Variants in PTPRK observed in about 807,000 individuals in gnomAD.
PTPRK encodes the protein protein tyrosine phosphatase receptor type K.
Under a neutral mutation model 178.0 loss-of-function variants are expected in PTPRK, and 75 were observed. The ratio of observed to expected loss-of-function variants is 0.42; its 90% CI spans 0.35 to 0.51. The LOEUF (loss-of-function observed/expected upper bound fraction) is 0.51. Ranked by LOEUF, PTPRK falls within the 20% of genes least tolerant of loss-of-function variation. The probability of loss-of-function intolerance (pLI) is 0.02; values close to 1 mark genes in which losing one functional copy is unlikely to be tolerated. For missense variants in PTPRK, 1,441 were observed against 1,797.8 expected, an observed-to-expected ratio of 0.80 and a Z score of 3.59; for synonymous variants, 637 against 620.6, an observed-to-expected ratio of 1.03 and a Z score of -0.39.
At chr6:128,391,303 T>C (rs1413248519) in intron 2 of PTPRK, among the ~76,000 whole-genome samples, 3 of 152,080 alleles carry the variant, frequency 2.0e-5, no homozygotes, top group African/African-American at 7.2e-5. Flanking sequence ...CTCTCCCCAT[T>C]ACCACCAAAT....
chr6:128,464,638 C>CATATATATATATAT (rs10665667), intron 1 of PTPRK, among the ~76,000 whole-genome samples: 538 of 48,446 alleles, frequency 0.011, 36 homozygotes, highest in African/African-American at 0.018. Flanking sequence ...TATATATACA[C>CATATATATATATAT]ATATATATAT....
chr6:128,354,097 T>G (rs12208879), intron 2 of PTPRK, among the ~76,000 whole-genome samples: 6,016 of 152,130 alleles, frequency 0.04, 161 homozygotes, highest in Middle Eastern at 0.072. Context: ...AATGCTACCC[T>G]TGTTTTCTTG....
intron 2 of PTPRK, among the ~76,000 whole-genome samples, chr6:128,337,272 T>C (rs753515436): frequency 6.6e-6 from 1 of 152,198 alleles, no homozygotes; most frequent in Non-Finnish European, 1.5e-5. Context: ...ATTAGGCCTT[T>C]CTGTGTAGTG....
chr6:128,490,516 C>G (rs986427908), intron 1 of PTPRK, among the ~76,000 whole-genome samples: 3 of 152,158 alleles, frequency 2.0e-5, no homozygotes, highest in Non-Finnish European at 4.4e-5. Flanking sequence ...CGCCCAGGCC[C>G]CAATACTGGG....
At position 128,464,638 on chromosome 6, in the gene PTPRK, C is replaced by CACATATAT. The variant is rs1164450520; in HGVS notation, c.100+55620_100+55621insATATATGT. On this transcript the variant is annotated intron_variant, in intron 1 of 29. Transcript: ENST00000368226. The stretch of plus-strand genomic sequence containing the variant: ...ACATATACATATATATATATATACA[C>CACATATAT]ATATATATATATATATATATATATA... Among the ~76,000 whole-genome samples, 173 of 48,602 alleles carry CACATATAT rather than the reference C, an allele frequency of 3.6e-3. 1 individual carries two copies. The highest frequency in any genetic ancestry group is 4.2e-3 in the African/African-American group (45 of 10,590). The allele number at this position is 48,602 out of a possible 152,430, so 31.9% of individuals were successfully genotyped here. A position where few individuals can be genotyped will look rare whatever the true frequency, so the allele number is the denominator to read the frequency against.
intron 2 of PTPRK, among the ~76,000 whole-genome samples, chr6:128,368,078 T>C (rs1835769165): frequency 1.3e-5 from 2 of 152,122 alleles, no homozygotes; most frequent in South Asian, 2.1e-4. Context: ...GCTGAGTTTG[T>C]TTTGTAAGTC....
At chr6:128,352,037 A>G (rs1833222359) in intron 2 of PTPRK, among the ~76,000 whole-genome samples, 1 of 151,988 alleles carries the variant, frequency 6.6e-6, no homozygotes, top group Non-Finnish European at 1.5e-5. Context: ...CAGGTGGATC[A>G]CGAGGTCAGG....
chr6:128,235,086 C>T (rs903884519), intron 5 of PTPRK, among the ~76,000 whole-genome samples: 1 of 152,080 alleles, frequency 6.6e-6, no homozygotes, highest in South Asian at 2.1e-4. Context: ...TGGATCATTA[C>T]ACATTATATG....
chr6:128,065,381 G>T (rs929832646), intron 12 of PTPRK, among the ~76,000 whole-genome samples: 1 of 152,124 alleles, frequency 6.6e-6, no homozygotes, highest in Non-Finnish European at 1.5e-5. Context: ...GACAGAGCGG[G>T]TATACAAAGT....
intron 2 of PTPRK, among the ~76,000 whole-genome samples, chr6:128,336,778 C>T (rs770177851): frequency 6.6e-6 from 1 of 152,156 alleles, no homozygotes; most frequent in Non-Finnish European, 1.5e-5. Flanking sequence ...TACAATGATC[C>T]TACAAGCAGG....
chr6:128,473,459 A>G (rs1218796344), intron 1 of PTPRK, among the ~76,000 whole-genome samples: 3 of 142,332 alleles, frequency 2.1e-5, no homozygotes, highest in African/African-American at 5.4e-5. Context: ...TCTGTAGGGA[A>G]GTGCTTTAAG....
chr6:127,981,948 TC>T (rs1206524319), intron 24 of PTPRK, among the ~76,000 whole-genome samples: 1 of 152,040 alleles, frequency 6.6e-6, no homozygotes, highest in East Asian at 1.9e-4. Context: ...CAAGCAATCC[TC>T]CCATCTCAAC....
At chr6:128,005,342 T>A in intron 14 of PTPRK, 98 bp from the exon 15 acceptor site, 3 of 1,224,346 alleles carry the variant, frequency 2.5e-6, no homozygotes, top group Non-Finnish European at 3.4e-6. Context: ...AGGATAATGT[T>A]ACAAACATGG....
At chr6:128,454,528 T>C (rs1184927364) in intron 1 of PTPRK, among the ~76,000 whole-genome samples, 1 of 152,196 alleles carries the variant, frequency 6.6e-6, no homozygotes, top group Admixed American at 6.5e-5. Flanking sequence ...ATAAAATTCA[T>C]CATTTTCAAG....
chr6:128,442,351 T>C (rs1423623790), intron 1 of PTPRK, among the ~76,000 whole-genome samples: 1 of 152,152 alleles, frequency 6.6e-6, no homozygotes, highest in African/African-American at 2.4e-5. Flanking sequence ...TTTCCTTCAA[T>C]GGTGGTGGGA....
At chr6:128,460,432 T>C (rs1181301483) in intron 1 of PTPRK, among the ~76,000 whole-genome samples, 2 of 151,996 alleles carry the variant, frequency 1.3e-5, no homozygotes, top group South Asian at 2.1e-4. Context: ...GTCCCAGCTA[T>C]TCAAGAGGCT....
intron 6 of PTPRK, 107 bp downstream of exon 6, chr6:128,218,813 CTT>C (rs1157133027): frequency 1.0e-6 from 1 of 994,708 alleles, no homozygotes; most frequent in Non-Finnish European, 1.5e-6. Context: ...TTTATAGTGA[CTT>C]GACATCAGAA....
intron 13 of PTPRK, among the ~76,000 whole-genome samples, chr6:128,026,096 A>C (rs1194181540): frequency 6.6e-6 from 1 of 152,208 alleles, no homozygotes; most frequent in East Asian, 1.9e-4. Context: ...CAAGAGATCT[A>C]AACAGTAAGA....
intron 1 of PTPRK, among the ~76,000 whole-genome samples, chr6:128,516,060 G>A (rs1487226604): frequency 6.6e-6 from 1 of 152,156 alleles, no homozygotes; most frequent in African/African-American, 2.4e-5. Context: ...GCTTTGGTTA[G>A]TGGATGAGTC....
Sources: gnomAD v4.1 joint callset for allele counts (sites outside exome capture counted in the v4.1 genomes callset) on GRCh38, gnomAD v4.1.1 for gene constraint, MANE v1.5 for transcripts, NCBI Gene and HGNC (gene_info 2026-07-23, HGNC 2026-07-21) for gene names.